The following TTC39C variants were observed in gnomAD, a reference collection of about 807,000 sequenced individuals.
TTC39C encodes tetratricopeptide repeat domain 39C, also known as tetratricopeptide repeat protein 39C.
In TTC39C, 33 loss-of-function variants were observed where a neutral mutation model predicts 76.3. That is an observed-to-expected ratio of 0.43 (90% CI 0.33 to 0.58). TTC39C has a LOEUF of 0.58. Among genes scored for constraint, TTC39C ranks in the 20% least tolerant of loss-of-function variants. TTC39C has a pLI of 0.04. For missense variants in TTC39C, 595 were observed against 701.4 expected (o/e 0.85, Z 1.71); for synonymous variants, 254 against 260.6 (o/e 0.97, Z 0.24).
At chr18:24,129,251 C>T (rs945571628) in intron 11 of TTC39C, among the ~76,000 whole-genome samples, 4 of 152,152 alleles carry the variant, frequency 2.6e-5, no homozygotes, top group African/African-American at 9.7e-5. Context: ...ACAGCCTCCA[C>T]TGGAGAGAGG....
intron 2 of TTC39C, among the ~76,000 whole-genome samples, chr18:24,065,223 T>C (rs1238511605): frequency 1.3e-5 from 2 of 152,170 alleles, no homozygotes; most frequent in African/African-American, 4.8e-5. Context: ...GTTAGAGCCA[T>C]ACTGAGGAAG....
chr18:24,000,217 T>C (rs1325698386), intron 1 of TTC39C, among the ~76,000 whole-genome samples: 1 of 152,192 alleles, frequency 6.6e-6, no homozygotes, highest in Non-Finnish European at 1.5e-5. Context: ...CTTTGGAGTG[T>C]GCCCTTATAG....
chr18:24,115,898 T>G (rs2084885500), intron 7 of TTC39C, among the ~76,000 whole-genome samples: 1 of 152,246 alleles, frequency 6.6e-6, no homozygotes, highest in African/African-American at 2.4e-5. Flanking sequence ...TCAAAGAACT[T>G]GAATGAAAAA....
intron 1 of TTC39C, chr18:24,019,779 C>A: frequency 1.8e-6 from 2 of 1,134,958 alleles, no homozygotes; most frequent in Non-Finnish European, 2.5e-6. Context: ...GTTGCTTGTG[C>A]ACTACACCTG....
intron 8 of TTC39C, among the ~76,000 whole-genome samples, chr18:24,119,049 T>G (rs1415170090): frequency 1.3e-5 from 2 of 152,220 alleles, no homozygotes; most frequent in East Asian, 3.8e-4. Context: ...ATAACTCTAT[T>G]ATATTTACAG....
chr18:24,023,998 A>C lies in TTC39C; in HGVS notation c.167+8960A>C, dbSNP rs1348662088. On this transcript the variant is annotated intron_variant, in intron 1 of 13. Coordinates refer to ENST00000317571, the MANE Select transcript of TTC39C (RefSeq NM_001135993.2). ...TATATATACATATATATATATATAT[A>C]TATATATATATATATATATTTTTTT... Among the ~76,000 whole-genome samples, 33 of 3,886 alleles carry C rather than the reference A, an allele frequency of 8.5e-3. 2 individuals are homozygous for C. The highest frequency in any genetic ancestry group is 0.022 in the South Asian group (2 of 90). The allele number at this position is 3,886 out of a possible 152,430, so 2.5% of individuals were successfully genotyped here. A position where few individuals can be genotyped will look rare whatever the true frequency, so the allele number is the denominator to read the frequency against.
chr18:24,068,331 C>G lies in TTC39C; in HGVS notation c.346-826C>G, dbSNP rs2084193564. On this transcript the variant is annotated intron_variant, in intron 3 of 13. Transcript: ENST00000317571. The stretch of plus-strand genomic sequence containing the variant: ...GGGGCTAGGTTTGAAACAACAGTGA[C>G]CACGATGGATTATGCTAAAATCTAG... Among the ~76,000 whole-genome samples the G allele has an allele frequency of 2.0e-5, 3 of 152,122 alleles. 1 individual carries two copies. In the South Asian group the frequency reaches 6.2e-4, roughly 32 times the overall value.
upstream of TTC39C, among the ~76,000 whole-genome samples, chr18:24,014,240 G>A (rs2083416981): frequency 6.6e-6 from 1 of 152,116 alleles, no homozygotes; most frequent in African/African-American, 2.4e-5. Context: ...TCAGTTACTC[G>A]TGGAGTTTCA....
At chr18:24,093,478 C>A (rs376113227) in intron 6 of TTC39C, among the ~76,000 whole-genome samples, 1,106 of 112,022 alleles carry the variant, frequency 9.9e-3, no homozygotes, top group Middle Eastern at 0.011. Context: ...GACTCTGTCT[C>A]AAAAAAAAAA....
upstream of TTC39C, among the ~76,000 whole-genome samples, chr18:24,013,457 A>C (rs369973569): frequency 9.2e-5 from 14 of 152,326 alleles, no homozygotes; most frequent in African/African-American, 3.4e-4. Context: ...TACATGACAA[A>C]ATTATTTTGC....
rs754210511 is a variant in TTC39C at position 24,069,151 on chromosome 18, A to T, written c.346-6A>T. Reference sequence around the variant, plus strand: ...TATCAGTGTGGACATTCTTTCTGCCAAACAGGTTGATGTCCGAAAATCCGC... The same window carrying T: ...TATCAGTGTGGACATTCTTTCTGCCTAACAGGTTGATGTCCGAAAATCCGC... On this transcript the variant is annotated splice_polypyrimidine_tract_variant and splice_region_variant and intron_variant, in intron 3 of 13. Coordinates refer to ENST00000317571, the MANE Select transcript of TTC39C (RefSeq NM_001135993.2). 1 of 1,611,898 alleles carries T rather than the reference A, an allele frequency of 6.2e-7. No homozygotes were observed. The highest frequency in any genetic ancestry group is 8.5e-7 in the Non-Finnish European group (1 of 1,178,012).
rs2085154549 is a variant in TTC39C, at chr18:24,133,087, G to T, written c.*513G>T. The T allele has an allele frequency of 6.6e-6, 1 of 152,200 alleles. No individual in the cohort carries two copies. The highest frequency in any genetic ancestry group is 2.4e-5 in the African/African-American group (1 of 41,418). The allele number at this position is 152,200 out of a possible 1,614,324, so 9.4% of individuals were successfully genotyped here. A position where few individuals can be genotyped will look rare whatever the true frequency, so the allele number is the denominator to read the frequency against. Reference sequence around the variant, plus strand: ...GCACAGATATTCTTAACCCCACTTTGCAGACAGTGAAACTCAGGCACAAAA... The same window carrying T: ...GCACAGATATTCTTAACCCCACTTTTCAGACAGTGAAACTCAGGCACAAAA... On this transcript the variant is annotated 3_prime_UTR_variant, in exon 14 of 14. Transcript: ENST00000317571.
chr18:24,106,981 G>A (rs1466382075), intron 6 of TTC39C, among the ~76,000 whole-genome samples: 3 of 152,172 alleles, frequency 2.0e-5, no homozygotes, highest in Non-Finnish European at 2.9e-5. Context: ...CACCGTGCCC[G>A]ACAGGCAGAG....
intron 6 of TTC39C, among the ~76,000 whole-genome samples, chr18:24,105,185 A>G (rs1378324489): frequency 2.0e-5 from 3 of 152,228 alleles, no homozygotes; most frequent in Admixed American, 6.5e-5. Flanking sequence ...GAAAAATGCC[A>G]AAACACCTAA....
chr18:24,129,545 G>A (rs1426645047), intron 11 of TTC39C, among the ~76,000 whole-genome samples: 4 of 152,072 alleles, frequency 2.6e-5, no homozygotes, highest in Non-Finnish European at 5.9e-5. Flanking sequence ...AGGCCAAGGT[G>A]GATGGATCAC....
At chr18:24,106,810 A>G (rs950493627) in intron 6 of TTC39C, among the ~76,000 whole-genome samples, 4 of 152,084 alleles carry the variant, frequency 2.6e-5, no homozygotes, top group East Asian at 1.9e-4. Flanking sequence ...TCAGCCTCCT[A>G]AGAAGCTGTC....
intron 1 of TTC39C, among the ~76,000 whole-genome samples, chr18:24,043,269 G>T (rs1223170657): frequency 1.3e-5 from 2 of 152,096 alleles, no homozygotes; most frequent in Non-Finnish European, 2.9e-5. Flanking sequence ...GGCTGAGGTG[G>T]GAGGATTGCT....
chr18:23,995,846 G>A (rs899560267), intron 1 of TTC39C, among the ~76,000 whole-genome samples: 1 of 152,166 alleles, frequency 6.6e-6, no homozygotes, highest in Non-Finnish European at 1.5e-5. Context: ...CTCAAGTCTG[G>A]GTGACAGAGC....
chr18:24,025,382 A>G (rs2083587181), intron 1 of TTC39C, among the ~76,000 whole-genome samples: 1 of 152,244 alleles, frequency 6.6e-6, no homozygotes, highest in Admixed American at 6.5e-5. Context: ...TACAAATGCA[A>G]ACTGGTTTAG....
Sources: gnomAD v4.1 joint callset for allele counts (sites outside exome capture counted in the v4.1 genomes callset) on GRCh38, gnomAD v4.1.1 for gene constraint, MANE v1.5 for transcripts, NCBI Gene and HGNC (gene_info 2026-07-23, HGNC 2026-07-21) for gene names.